The following CALN1 variants were observed in gnomAD, a reference collection of about 807,000 sequenced individuals.
The protein encoded by CALN1 is calneuron 1, also known as calcium-binding protein 8.
CALN1 carries 17 observed loss-of-function variants against 30.6 expected under a neutral mutation model. The ratio of observed to expected loss-of-function variants is 0.56; its 90% CI spans 0.38 to 0.83. CALN1 has a LOEUF of 0.83. Ranked by LOEUF, CALN1 falls within the 40% of genes least tolerant of loss-of-function variation. The probability of loss-of-function intolerance (pLI) is 0.00; values close to 1 mark genes in which losing one functional copy is unlikely to be tolerated. For synonymous variants in CALN1, 156 were observed against 131.4 expected, an observed-to-expected ratio of 1.19 and a Z score of -1.28; for missense variants, 291 against 354.9, an observed-to-expected ratio of 0.82 and a Z score of 1.45.
At chr7:72,368,143 A>G (rs539899591) in intron 2 of CALN1, among the ~76,000 whole-genome samples, 2 of 151,272 alleles carry the variant, frequency 1.3e-5, no homozygotes, top group South Asian at 2.1e-4. Context: ...ATCTGTATCT[A>G]TATCTATGTG....
At chr7:71,820,909 G>A (rs1429712904) in intron 5 of CALN1, among the ~76,000 whole-genome samples, 2 of 152,198 alleles carry the variant, frequency 1.3e-5, no homozygotes, top group African/African-American at 2.4e-5. Flanking sequence ...CTGTGTAAAC[G>A]AGAGGTTGAT....
chr7:72,032,877 A>G (rs1187600947), intron 4 of CALN1, among the ~76,000 whole-genome samples: 1 of 152,190 alleles, frequency 6.6e-6, no homozygotes, highest in Non-Finnish European at 1.5e-5. Flanking sequence ...CAGGCCCTGC[A>G]GGGTCCCATC....
chr7:72,135,538 T>G (rs1360737665), intron 3 of CALN1, among the ~76,000 whole-genome samples: 1 of 152,212 alleles, frequency 6.6e-6, no homozygotes, highest in Non-Finnish European at 1.5e-5. Flanking sequence ...GAAAGGAGTC[T>G]TTTCTTCTGA....
At chr7:72,092,085 T>G (rs1171746791) in intron 4 of CALN1, among the ~76,000 whole-genome samples, 2 of 152,252 alleles carry the variant, frequency 1.3e-5, no homozygotes, top group African/African-American at 4.8e-5. Context: ...TTACTTTTCA[T>G]ATCTAGTTTA....
chr7:71,949,659 C>G (rs920918937), intron 5 of CALN1, among the ~76,000 whole-genome samples: 1 of 152,038 alleles, frequency 6.6e-6, no homozygotes, highest in Non-Finnish European at 1.5e-5. Flanking sequence ...AGCTTACAGG[C>G]ATGAGCCACC....
At chr7:71,790,601 G>C (rs912368570) in intron 6 of CALN1, among the ~76,000 whole-genome samples, 1 of 152,206 alleles carries the variant, frequency 6.6e-6, no homozygotes, top group African/African-American at 2.4e-5. Context: ...ATAGCTTAGA[G>C]GAGACATCTG....
At chr7:71,975,802 T>A (rs1177852638) in intron 5 of CALN1, among the ~76,000 whole-genome samples, 1 of 151,148 alleles carries the variant, frequency 6.6e-6, no homozygotes, top group Non-Finnish European at 1.5e-5. Context: ...TGCCCCTTAA[T>A]CCTCCCTCCA....
At chr7:72,017,432 C>G (rs753699568) in intron 5 of CALN1, among the ~76,000 whole-genome samples, 1 of 152,110 alleles carries the variant, frequency 6.6e-6, no homozygotes, top group African/African-American at 2.4e-5. Flanking sequence ...ACTTTCATCC[C>G]AACCAAATTG....
At position 72,436,854 on chromosome 7, in the gene CALN1, T is replaced by C. The variant is rs537208846; in HGVS notation, c.-226+10188A>G. On this transcript the variant is annotated intron_variant, in intron 1 of 6. Coordinates refer to the CALN1 transcript ENST00000395276. Reference sequence around the variant, plus strand: ...GAAGGGGTGGGGCCCAAAAAGTCTGTCTTGACAAAACCTCTAGATGAGCCT... The same window carrying C: ...GAAGGGGTGGGGCCCAAAAAGTCTGCCTTGACAAAACCTCTAGATGAGCCT... 4.3e-4 allele frequency among the ~76,000 whole-genome samples: 66 copies of C among 152,170 alleles called. No homozygotes were observed. In the South Asian group the frequency reaches 6.9e-3, roughly 16 times the overall value.
At chr7:72,311,071 C>G (rs1054161372) in intron 2 of CALN1, among the ~76,000 whole-genome samples, 1 of 152,008 alleles carries the variant, frequency 6.6e-6, no homozygotes, top group African/African-American at 2.4e-5. Flanking sequence ...CCACCTCCTC[C>G]ACCTCTTCCG....
At chr7:71,955,660 A>G (rs1008646959) in intron 5 of CALN1, among the ~76,000 whole-genome samples, 2 of 152,026 alleles carry the variant, frequency 1.3e-5, no homozygotes, top group Admixed American at 1.3e-4. Flanking sequence ...ACTGATCAAC[A>G]TAGAGGTAAT....
In CALN1 at chr7:71,784,691, T is replaced by C; in HGVS notation, c.*3084A>G. ...GCAAGAATGAGCCAACCTGTGTTTG[T>C]CAATCACTCAGCCTCCACACAGTTG... On this transcript the variant is annotated 3_prime_UTR_variant, in exon 7 of 7. Transcript: ENST00000395275. 1 of 397,664 alleles carries C rather than the reference T, an allele frequency of 2.5e-6. No homozygotes were observed. The highest frequency in any genetic ancestry group is 4.4e-6 in the Non-Finnish European group (1 of 225,736). The allele number at this position is 397,664 out of a possible 1,614,324, so 24.6% of individuals were successfully genotyped here.
At chr7:71,903,358 T>C (rs965366197) in intron 5 of CALN1, among the ~76,000 whole-genome samples, 8 of 152,060 alleles carry the variant, frequency 5.3e-5, no homozygotes, top group African/African-American at 1.2e-4. Context: ...AATAGACACA[T>C]AGACCCAAGG....
chr7:72,225,451 G>T (rs1458598345), intron 3 of CALN1, among the ~76,000 whole-genome samples: 3 of 152,092 alleles, frequency 2.0e-5, no homozygotes, highest in African/African-American at 7.2e-5. Context: ...AGTGAGCAGG[G>T]CTTTCCGCCG....
intron 5 of CALN1, among the ~76,000 whole-genome samples, chr7:71,834,233 A>T (rs575571390): frequency 0.026 from 3,636 of 139,788 alleles, 78 homozygotes; most frequent in Non-Finnish European, 0.039. Context: ...AAAAAAAAAA[A>T]AAAAAACCAA....
At chr7:72,081,793 G>T (rs1442483140) in intron 4 of CALN1, among the ~76,000 whole-genome samples, 1 of 152,164 alleles carries the variant, frequency 6.6e-6, no homozygotes, top group East Asian at 1.9e-4. Context: ...ATTGGAGCGG[G>T]CATCTCTCCT....
intron 5 of CALN1, among the ~76,000 whole-genome samples, chr7:71,848,096 C>A (rs532959808): frequency 6.6e-6 from 1 of 152,190 alleles, no homozygotes; most frequent in Non-Finnish European, 1.5e-5. Flanking sequence ...CAAGGTAACA[C>A]ATAAAATTCA....
rs181867639 is a variant in CALN1, at chr7:72,164,510, G to A, written c.245-58216C>T. On this transcript the variant is annotated intron_variant, in intron 3 of 6. Transcript: ENST00000395275. The stretch of plus-strand genomic sequence containing the variant: ...ACAGAAAGAGGCAAGAAAGTAGAAC[G>A]TTCTCCCTGCAGGTGTTAGAGGAAC... Among the ~76,000 whole-genome samples the A allele has an allele frequency of 1.3e-4, 20 of 152,248 alleles. No individual in the cohort carries two copies. The East Asian group carries it at 1.9e-3, about 15-fold the overall frequency.
In CALN1 at chr7:72,135,006, T is replaced by C. The variant is rs564343023; in HGVS notation, c.245-28712A>G. Among the ~76,000 whole-genome samples, 5 of 152,342 alleles carry C rather than the reference T, an allele frequency of 3.3e-5. No homozygotes were observed. In the South Asian group the frequency reaches 8.3e-4, roughly 25 times the overall value. Reference sequence around the variant, plus strand: ...AGTAGATTCTATTTCAAGAAACTACTTTCTTAGCTCATCCATAAGAAGCAA... The same window carrying C: ...AGTAGATTCTATTTCAAGAAACTACCTTCTTAGCTCATCCATAAGAAGCAA... On this transcript the variant is annotated intron_variant, in intron 3 of 6. Coordinates refer to ENST00000395275, the MANE Select transcript of CALN1 (RefSeq NM_031468.4).
Sources: allele counts gnomAD v4.1 joint callset (sites outside exome capture counted in the v4.1 genomes callset), GRCh38; gene constraint gnomAD v4.1.1; transcripts MANE v1.5; gene names NCBI Gene and HGNC (gene_info 2026-07-23, HGNC 2026-07-21).